The following MACC1 variants were observed in gnomAD, a reference collection of about 807,000 sequenced individuals.
The protein encoded by MACC1 is metastasis-associated in colon cancer protein 1.
A neutral mutation model predicts 70.7 loss-of-function variants in MACC1; 79 were observed. The observed-to-expected ratio is 1.12, with a 90% CI of 0.93 to 1.35. The LOEUF (loss-of-function observed/expected upper bound fraction) is 1.35, where lower values mean the gene tolerates loss of function less well. Among genes scored for constraint, MACC1 ranks in the 40% most tolerant of loss-of-function variants. MACC1 has a pLI of 0.00. For synonymous variants in MACC1, 361 were observed against 347.2 expected, an observed-to-expected ratio of 1.04 and a Z score of -0.44; for missense variants, 1,106 against 978.1, an observed-to-expected ratio of 1.13 and a Z score of -1.74.
chr7:20,172,945 G>A (rs527527608), intron 1 of MACC1, among the ~76,000 whole-genome samples: 1 of 152,290 alleles, frequency 6.6e-6, no homozygotes, highest in East Asian at 1.9e-4. Context: ...CTGGTGCCAG[G>A]TTGGGGTCTT....
At chr7:20,197,025 A>G (rs552352437) in intron 1 of MACC1, among the ~76,000 whole-genome samples, 1 of 152,304 alleles carries the variant, frequency 6.6e-6, no homozygotes, top group South Asian at 2.1e-4. Flanking sequence ...CAAATTATCT[A>G]TAAACATTTA....
At position 20,159,418 on chromosome 7, in the gene MACC1, C is replaced by T; in HGVS notation, c.943G>A (p.Gly315Ser). 1 of 1,613,984 alleles carries T rather than the reference C, an allele frequency of 6.2e-7. No individual in the cohort carries two copies. The highest frequency in any genetic ancestry group is 8.5e-7 in the Non-Finnish European group (1 of 1,180,012). Residue 315 changes from glycine (G) to serine (S), a missense_variant, in exon 5 of 7, where the codon GGT becomes AGT. Gly to Ser is a moderately conservative substitution (Grantham distance 56). Transcript: ENST00000400331. Reference protein sequence around the residue: ...MTEMVCLHSLGKEGPFKVLSN... With the variant: ...MTEMVCLHSLSKEGPFKVLSN... ...AAAACTTTAAAAGGGCCTTCTTTAC[C>T]CAAGCTGTGTAAACACACCATTTCT...
Position 20,159,862 on chromosome 7 carries a change from C to G in MACC1, c.499G>C (p.Asp167His), listed in dbSNP as rs557081871. ...IHNSDQILLH[D>H]LEWLKNDREA... ...CGATCATTTTTAAGCCACTCTAAGTCGTGTAGTAGGATCTGGTCAGAGTTA... is the reference window on the plus strand; with the variant it reads ...CGATCATTTTTAAGCCACTCTAAGTGGTGTAGTAGGATCTGGTCAGAGTTA... Residue 167 changes from aspartate to histidine, a missense_variant, in exon 5 of 7, where the codon GAC (aspartate) becomes CAC (histidine). Transcript: ENST00000400331. 11 of 1,614,108 alleles carry G rather than the reference C, an allele frequency of 6.8e-6. No individual in the cohort carries two copies. The South Asian group carries it at 1.2e-4, about 18-fold the overall frequency.
intron 2 of MACC1, chr7:20,170,427 C>A (rs1426715706): frequency 6.6e-6 from 1 of 152,002 alleles, no homozygotes; most frequent in Non-Finnish European, 1.5e-5. Flanking sequence ...TGGTTACTGA[C>A]AAAGATATGT....
chr7:20,178,893 C>A (rs1481248729), intron 1 of MACC1, among the ~76,000 whole-genome samples: 1 of 152,180 alleles, frequency 6.6e-6, no homozygotes, highest in Non-Finnish European at 1.5e-5. Flanking sequence ...AGCCATCATG[C>A]CCAGCCCAGA....
chr7:20,188,739 C>T (rs1782627037), intron 1 of MACC1, among the ~76,000 whole-genome samples: 1 of 152,146 alleles, frequency 6.6e-6, no homozygotes, highest in Non-Finnish European at 1.5e-5. Context: ...CATTCTATTG[C>T]CAAAGTCACT....
intron 6 of MACC1, among the ~76,000 whole-genome samples, chr7:20,143,537 C>T (rs545267743): frequency 1.2e-4 from 18 of 152,236 alleles, no homozygotes; most frequent in South Asian, 2.1e-4. Context: ...TACAGGCACG[C>T]GCCACCACGC....
intron 2 of MACC1, among the ~76,000 whole-genome samples, chr7:20,166,218 A>C (rs1782215857): frequency 6.6e-6 from 1 of 152,232 alleles, no homozygotes; most frequent in Non-Finnish European, 1.5e-5. Context: ...GTGATAATAA[A>C]AACATGTCCA....
At chr7:20,194,626 A>G (rs1343827418) in intron 1 of MACC1, among the ~76,000 whole-genome samples, 2 of 152,238 alleles carry the variant, frequency 1.3e-5, no homozygotes, top group African/African-American at 2.4e-5. Context: ...CCATCTCAGG[A>G]ATTTTACATT....
At chr7:20,205,989 G>T (rs1421759552) in intron 1 of MACC1, among the ~76,000 whole-genome samples, 2 of 151,740 alleles carry the variant, frequency 1.3e-5, no homozygotes, top group Non-Finnish European at 2.9e-5. Context: ...CCTTAGTTCT[G>T]CCTTTTGGGA....
At chr7:20,151,276 G>A (rs1781973518) in intron 6 of MACC1, among the ~76,000 whole-genome samples, 1 of 152,092 alleles carries the variant, frequency 6.6e-6, no homozygotes, top group East Asian at 1.9e-4. Flanking sequence ...TCCCCAGCAT[G>A]TCCCCTTGTA....
intron 1 of MACC1, among the ~76,000 whole-genome samples, chr7:20,192,699 A>G (rs143495215): frequency 1.3e-5 from 2 of 152,368 alleles, no homozygotes; most frequent in East Asian, 1.9e-4. Flanking sequence ...GTAGTTTGCT[A>G]TATAGCAATA....
At chr7:20,167,844 G>A (rs1782243688) in intron 2 of MACC1, among the ~76,000 whole-genome samples, 1 of 152,148 alleles carries the variant, frequency 6.6e-6, no homozygotes, top group Non-Finnish European at 1.5e-5. Flanking sequence ...TTGGTGTAAT[G>A]CTCTGCCACT....
chr7:20,147,939 C>T (rs61026738), intron 6 of MACC1, among the ~76,000 whole-genome samples: 1 of 152,000 alleles, frequency 6.6e-6, no homozygotes, highest in African/African-American at 2.4e-5. Context: ...ATGCCCCTGC[C>T]AAAAACATAT....
At chr7:20,172,307 C>T (rs181351271) in intron 1 of MACC1, among the ~76,000 whole-genome samples, 2 of 152,216 alleles carry the variant, frequency 1.3e-5, no homozygotes, top group South Asian at 2.1e-4. Flanking sequence ...CCTCTCAGTC[C>T]GGAGCAAACC....
At position 20,159,893 on chromosome 7, in the gene MACC1, A is replaced by G. The variant is rs746076401; in HGVS notation, c.468T>C (p.Ser156=). The G allele has an allele frequency of 1.1e-5, 18 of 1,613,996 alleles. No individual in the cohort carries two copies. The highest frequency in any genetic ancestry group is 1.5e-5 in the Non-Finnish European group (18 of 1,179,996). ...GTAGGATCTGGTCAGAGTTATGTAT[A>G]CTCTGATGGGCATGTGCTGTGTCGT... ...ILDDTAHAHQ[S]IHNSDQILLH... Residue 156 remains serine (S), a synonymous_variant, in exon 5 of 7, where the codon AGT becomes AGC. Transcript: ENST00000400331.
In MACC1 at chr7:20,154,155, A is replaced by G. The variant is rs746741819; in HGVS notation, c.2346+38T>C. The G allele has an allele frequency of 1.4e-5, 23 of 1,608,344 alleles. 1 individual carries two copies. The South Asian group carries it at 2.2e-4, about 15-fold the overall frequency. ...ATTACATTAGTGTTACTTGGTCTGCAACTTTTCACTATTGAATTACACAAA... is the reference window on the plus strand; with the variant it reads ...ATTACATTAGTGTTACTTGGTCTGCGACTTTTCACTATTGAATTACACAAA... On this transcript the variant is annotated intron_variant, in intron 6 of 6. Transcript: ENST00000400331.
At chr7:20,143,382 T>TGTTGC (rs1781836586) in intron 6 of MACC1, among the ~76,000 whole-genome samples, 1 of 152,164 alleles carries the variant, frequency 6.6e-6, no homozygotes, top group Non-Finnish European at 1.5e-5. Flanking sequence ...TTGTTGTTGT[T>TGTTGC]GTTGCTTTGC....
At chr7:20,197,185 C>T (rs1356335300) in intron 1 of MACC1, among the ~76,000 whole-genome samples, 3 of 152,156 alleles carry the variant, frequency 2.0e-5, no homozygotes, top group Non-Finnish European at 2.9e-5. Context: ...GAATTTCTGA[C>T]AAAAACTAAA....
Sources: gnomAD v4.1 joint callset for allele counts (sites outside exome capture counted in the v4.1 genomes callset) on GRCh38, gnomAD v4.1.1 for gene constraint, MANE v1.5 for transcripts, NCBI Gene and HGNC (gene_info 2026-07-23, HGNC 2026-07-21) for gene names.